Variants in PLXNA4 observed in about 807,000 individuals in gnomAD.
The protein encoded by PLXNA4 is plexin A4.
PLXNA4 carries 44 observed loss-of-function variants against 191.8 expected under a neutral mutation model. That is an observed-to-expected ratio of 0.23 (90% CI 0.18 to 0.29). PLXNA4 has a LOEUF of 0.29. PLXNA4 is among the 10% of genes least tolerant of loss of function. The pLI, the probability that PLXNA4 is intolerant of heterozygous loss-of-function variation, is 1.00. For synonymous variants in PLXNA4, 1,082 were observed against 1,009.5 expected (o/e 1.07, Z -1.36); for missense variants, 1,800 against 2,488.8 (o/e 0.72, Z 5.89).
chr7:132,406,041 T>C (rs1036656809), intron 3 of PLXNA4, among the ~76,000 whole-genome samples: 1 of 152,224 alleles, frequency 6.6e-6, no homozygotes, highest in African/African-American at 2.4e-5. Flanking sequence ...AATGACTCAA[T>C]GTGGCCTCAG....
chr7:132,456,137 G>GTTTT (rs1796308892), intron 3 of PLXNA4, among the ~76,000 whole-genome samples: 2 of 143,816 alleles, frequency 1.4e-5, no homozygotes, highest in Non-Finnish European at 3.0e-5. Flanking sequence ...TTTGGAGATG[G>GTTTT]AGTCTCACTC....
intron 4 of PLXNA4, among the ~76,000 whole-genome samples, chr7:132,279,828 G>A (rs1045583903): frequency 7.2e-5 from 11 of 152,144 alleles, no homozygotes; most frequent in African/African-American, 1.7e-4. Context: ...ACTAGTGGAC[G>A]GAGAGATGAT....
chr7:132,384,352 G>T, intron 3 of PLXNA4: 1 of 985,436 alleles, frequency 1.0e-6, no homozygotes, highest in Non-Finnish European at 1.2e-6. Flanking sequence ...TTCCCAGTAA[G>T]CTAGTAGAAA....
intron 3 of PLXNA4, among the ~76,000 whole-genome samples, chr7:132,457,702 C>T (rs1362829021): frequency 6.6e-6 from 1 of 152,162 alleles, no homozygotes; most frequent in African/African-American, 2.4e-5. Flanking sequence ...GTCCTAAATG[C>T]AATTGCAAGT....
chr7:132,576,646 G>A (rs772588279), upstream of PLXNA4: 3 of 975,784 alleles, frequency 3.1e-6, no homozygotes, highest in Non-Finnish European at 3.7e-6. This position sits in a 1 kb window ranked among gnomAD's most constrained non-coding sequence, Gnocchi z 5.8. Flanking sequence ...GGGCTTGACA[G>A]CTTCTCTTGC....
chr7:132,586,203 C>A (rs1013792540), intron 2 of PLXNA4, among the ~76,000 whole-genome samples: 1 of 152,168 alleles, frequency 6.6e-6, no homozygotes, highest in East Asian at 1.9e-4. Flanking sequence ...TGTTCTCAGA[C>A]TAATCCTATT....
chr7:132,186,160 C>T (rs937030160), intron 15 of PLXNA4, among the ~76,000 whole-genome samples: 2 of 152,166 alleles, frequency 1.3e-5, no homozygotes, highest in Non-Finnish European at 2.9e-5. Flanking sequence ...AGCCACATTG[C>T]CTAGAGTCCT....
At chr7:132,186,009 GAATA>G (rs1796867893) in intron 15 of PLXNA4, among the ~76,000 whole-genome samples, 1 of 152,284 alleles carries the variant, frequency 6.6e-6, no homozygotes, top group South Asian at 2.1e-4. Flanking sequence ...ACAAGTGTCA[GAATA>G]AATAATTGTT....
At chr7:132,630,789 G>T (rs1390811526) in intron 2 of PLXNA4, among the ~76,000 whole-genome samples, 1 of 152,178 alleles carries the variant, frequency 6.6e-6, no homozygotes, top group Non-Finnish European at 1.5e-5. Context: ...GGGATTACAG[G>T]CGTGAGCCAC....
intron 1 of PLXNA4, among the ~76,000 whole-genome samples, chr7:132,532,477 C>G (rs1464300176): frequency 6.6e-6 from 1 of 152,120 alleles, no homozygotes; most frequent in Non-Finnish European, 1.5e-5. Context: ...TCAGTTGCCT[C>G]TTATGTAAGT....
At chr7:132,279,786 G>C (rs529652851) in intron 4 of PLXNA4, among the ~76,000 whole-genome samples, 17 of 152,162 alleles carry the variant, frequency 1.1e-4, no homozygotes, top group African/African-American at 1.7e-4. Flanking sequence ...ACTGTAGAAG[G>C]CAAGTTGTTG....
At chr7:132,315,241 C>T (rs1445605988) in intron 3 of PLXNA4, among the ~76,000 whole-genome samples, 3 of 152,142 alleles carry the variant, frequency 2.0e-5, no homozygotes, top group African/African-American at 7.2e-5. Flanking sequence ...TAGTTCATTC[C>T]ATTGCTGAAC....
intron 3 of PLXNA4, among the ~76,000 whole-genome samples, chr7:132,437,385 T>A (rs1795512830): frequency 6.6e-6 from 1 of 152,126 alleles, no homozygotes; most frequent in Admixed American, 6.5e-5. Context: ...CAAGGAGGGA[T>A]GTGACCACAC....
intron 4 of PLXNA4, among the ~76,000 whole-genome samples, chr7:132,287,228 G>T (rs1800716022): frequency 6.6e-6 from 1 of 152,088 alleles, no homozygotes; most frequent in African/African-American, 2.4e-5. Flanking sequence ...TAAAGATGGG[G>T]TTTCACCGTG....
At chr7:132,611,094 G>T (rs1803037561) in intron 2 of PLXNA4, among the ~76,000 whole-genome samples, 1 of 152,216 alleles carries the variant, frequency 6.6e-6, no homozygotes, top group Non-Finnish European at 1.5e-5. Flanking sequence ...GCAGCCAAGT[G>T]AATTTTTAAA....
At chr7:132,630,924 G>T (rs1803480348) in intron 2 of PLXNA4, among the ~76,000 whole-genome samples, 1 of 152,190 alleles carries the variant, frequency 6.6e-6, no homozygotes, top group Non-Finnish European at 1.5e-5. Flanking sequence ...TTGTTAAACT[G>T]CAACCTTTAT....
chr7:132,160,959 C>A (rs1292928266), intron 24 of PLXNA4, among the ~76,000 whole-genome samples: 1 of 152,164 alleles, frequency 6.6e-6, no homozygotes, highest in Admixed American at 6.5e-5. Flanking sequence ...TAAAACCAAA[C>A]TTTCACACTC....
At chr7:132,596,805 A>G (rs1019873829) in intron 2 of PLXNA4, among the ~76,000 whole-genome samples, 8 of 151,172 alleles carry the variant, frequency 5.3e-5, no homozygotes, top group Admixed American at 3.3e-4. Flanking sequence ...ATAATTTCCC[A>G]TGATAAATCA....
At chr7:132,497,657 T>TC (rs796511310) in intron 2 of PLXNA4, among the ~76,000 whole-genome samples, 45 of 152,232 alleles carry the variant, frequency 3.0e-4, no homozygotes, top group African/African-American at 1.0e-3. Flanking sequence ...CTCCTAGCCC[T>TC]CCCCAGAAGG....
Sources: allele counts gnomAD v4.1 joint callset (sites outside exome capture counted in the v4.1 genomes callset), GRCh38; gene constraint gnomAD v4.1.1; non-coding constraint Gnocchi (gnomAD v3.1); transcripts MANE v1.5; gene names NCBI Gene and HGNC (gene_info 2026-07-23, HGNC 2026-07-21).